Variants in SAMD12 observed in about 807,000 individuals in gnomAD.
SAMD12 encodes sterile alpha motif domain-containing protein 12.
A neutral mutation model predicts 15.0 loss-of-function variants in SAMD12; 9 were observed. That is an observed-to-expected ratio of 0.60 (90% CI 0.36 to 1.05). SAMD12 has a LOEUF of 1.05. Ranked by LOEUF, SAMD12 falls within the 50% of genes least tolerant of loss-of-function variation. The pLI, the probability that SAMD12 is intolerant of heterozygous loss-of-function variation, is 0.01. For synonymous variants in SAMD12, 86 were observed against 90.1 expected, an observed-to-expected ratio of 0.96 and a Z score of 0.25; for missense variants, 230 against 234.2, an observed-to-expected ratio of 0.98 and a Z score of 0.12.
intron 2 of SAMD12, among the ~76,000 whole-genome samples, chr8:118,493,988 G>T (rs564957360): frequency 7.4e-4 from 113 of 152,238 alleles, no homozygotes; most frequent in African/African-American, 2.7e-3. Context: ...TCACAATAAA[G>T]CTTTTCTCTT....
chr8:118,391,839 T>G (rs1475731923), intron 3 of SAMD12, among the ~76,000 whole-genome samples: 1 of 151,530 alleles, frequency 6.6e-6, no homozygotes, highest in Non-Finnish European at 1.5e-5. Context: ...TACCCAGAAA[T>G]GTAAGACCAG....
the SAMD12 span, among the ~76,000 whole-genome samples, chr8:118,174,917 A>G: frequency 5.3e-5 from 8 of 152,070 alleles, no homozygotes; most frequent in Admixed American, 2.6e-4. Context: ...AGTTATAAAT[A>G]TCATGGAATT....
chr8:118,218,771 T>C (rs1346859975), intron 4 of SAMD12, among the ~76,000 whole-genome samples: 1 of 152,186 alleles, frequency 6.6e-6, no homozygotes, highest in African/African-American at 2.4e-5. Context: ...AATTTTTCCA[T>C]TGGTAGACAC....
At chr8:118,347,710 T>C (rs968704348) in intron 4 of SAMD12, among the ~76,000 whole-genome samples, 4 of 152,270 alleles carry the variant, frequency 2.6e-5, no homozygotes, top group African/African-American at 9.6e-5. Flanking sequence ...GAATACAATT[T>C]GTGAAATCCT....
rs569312136 is a variant in SAMD12, at chr8:118,448,336, CTA to C, written c.193-8377_193-8376del. 1.1e-4 allele frequency among the ~76,000 whole-genome samples: 17 copies of C among 152,350 alleles called. No individual in the cohort carries two copies. In the South Asian group the frequency reaches 3.5e-3, roughly 32 times the overall value. ...TCCATCATAAGTATCATCTAACACA[CTA>C]TACAATTCTGTTATTTTTTCTACTG... On this transcript the variant is annotated intron_variant, in intron 2 of 3. Transcript: ENST00000314727.
chr8:118,178,674 C>T, the SAMD12 span, among the ~76,000 whole-genome samples: 1 of 152,070 alleles, frequency 6.6e-6, no homozygotes, highest in Non-Finnish European at 1.5e-5. Context: ...CCATGTTGGC[C>T]AGGCTGGTCT....
At chr8:118,354,145 G>A (rs1229910636) in intron 4 of SAMD12, among the ~76,000 whole-genome samples, 2 of 152,156 alleles carry the variant, frequency 1.3e-5, no homozygotes, top group African/African-American at 2.4e-5. Flanking sequence ...CCATCTGACT[G>A]ATATTAAAAA....
chr8:118,595,879 G>A (rs1049485779), intron 1 of SAMD12, among the ~76,000 whole-genome samples: 8 of 152,172 alleles, frequency 5.3e-5, no homozygotes, highest in African/African-American at 1.7e-4. Flanking sequence ...ACCATTTTAA[G>A]CATTTTACAT....
intron 2 of SAMD12, among the ~76,000 whole-genome samples, chr8:118,550,414 T>C (rs1330122878): frequency 1.3e-5 from 2 of 152,198 alleles, no homozygotes; most frequent in Non-Finnish European, 2.9e-5. Flanking sequence ...CAGAATTTCA[T>C]ATCCAGCCAA....
At chr8:118,617,811 G>A (rs1482645875) in intron 1 of SAMD12, among the ~76,000 whole-genome samples, 2 of 152,128 alleles carry the variant, frequency 1.3e-5, no homozygotes, top group Non-Finnish European at 2.9e-5. Flanking sequence ...ATACAGAGAT[G>A]AATACAAAGA....
intron 1 of SAMD12, among the ~76,000 whole-genome samples, chr8:118,614,048 T>A (rs1017227189): frequency 6.6e-6 from 1 of 152,190 alleles, no homozygotes; most frequent in Non-Finnish European, 1.5e-5. Context: ...TTTGTTGGTG[T>A]TCTTCCAACT....
rs187945817 is a variant in SAMD12, at chr8:118,555,866, G to A, written c.192+24849C>T. Among the ~76,000 whole-genome samples, 3 of 152,282 alleles carry A rather than the reference G, an allele frequency of 2.0e-5. No individual in the cohort carries two copies. In the East Asian group the frequency reaches 5.8e-4, roughly 29 times the overall value. ...CTCTTTCCAACTGCAATGTAAAATT[G>A]GGTAATAGTTACAATTGGATCCTTG... is the stretch of plus-strand genomic sequence containing the variant. On this transcript the variant is annotated intron_variant, in intron 2 of 3. Transcript: ENST00000314727.
At chr8:118,367,719 C>G (rs1818872627) in intron 4 of SAMD12, among the ~76,000 whole-genome samples, 1 of 152,182 alleles carries the variant, frequency 6.6e-6, no homozygotes, top group African/African-American at 2.4e-5. Flanking sequence ...CAAAGAATGA[C>G]TTAAAACATT....
chr8:118,190,203 C>T (rs1305667130), exon 5 of SAMD12: 1 of 152,126 alleles, frequency 6.6e-6, no homozygotes, highest in Non-Finnish European at 1.5e-5. Flanking sequence ...CCCCATCCTC[C>T]CTTCTCATAC....
chr8:118,170,880 G>C, the SAMD12 span, among the ~76,000 whole-genome samples: 2 of 152,108 alleles, frequency 1.3e-5, no homozygotes, highest in Non-Finnish European at 2.9e-5. Context: ...GTCAAAAAAT[G>C]AAAGGACAGA....
At chr8:118,462,758 T>A (rs1048000752) in intron 2 of SAMD12, among the ~76,000 whole-genome samples, 1 of 152,002 alleles carries the variant, frequency 6.6e-6, no homozygotes, top group Non-Finnish European at 1.5e-5. Context: ...TAAAGGCAAT[T>A]TCTGGTTATC....
chr8:118,438,755 G>A (rs1354963584), intron 3 of SAMD12, among the ~76,000 whole-genome samples: 1 of 152,176 alleles, frequency 6.6e-6, no homozygotes, highest in Non-Finnish European at 1.5e-5. Flanking sequence ...GACAGAAAGT[G>A]TGGGTTTGGA....
chr8:118,227,657 T>A (rs962271246), intron 4 of SAMD12, among the ~76,000 whole-genome samples: 1 of 152,218 alleles, frequency 6.6e-6, no homozygotes, highest in East Asian at 1.9e-4. Flanking sequence ...AGGGATGTGA[T>A]TGAACATGTT....
At chr8:118,356,383 C>T (rs1021376670) in intron 4 of SAMD12, among the ~76,000 whole-genome samples, 8 of 152,130 alleles carry the variant, frequency 5.3e-5, no homozygotes, top group African/African-American at 1.2e-4. Context: ...AATGCTGTTT[C>T]GTAGTCTTTC....
Sources: gnomAD v4.1 joint callset for allele counts (sites outside exome capture counted in the v4.1 genomes callset) on GRCh38, gnomAD v4.1.1 for gene constraint, MANE v1.5 for transcripts, NCBI Gene and HGNC (gene_info 2026-07-23, HGNC 2026-07-21) for gene names.